Variants in NINJ1 observed in about 807,000 individuals in gnomAD.
The protein encoded by NINJ1 is ninjurin 1.
Under a neutral mutation model 12.7 loss-of-function variants are expected in NINJ1, and 6 were observed. The ratio of observed to expected loss-of-function variants is 0.47; its 90% CI spans 0.26 to 0.93. The LOEUF (loss-of-function observed/expected upper bound fraction) is 0.93. NINJ1 is among the 40% of genes least tolerant of loss of function. The pLI is 0.15. For missense variants in NINJ1, 170 were observed against 213.0 expected (o/e 0.80, Z 1.26); for synonymous variants, 100 against 96.0 (o/e 1.04, Z -0.25).
At chr9:93,128,102 C>T (rs1313848589) in intron 1 of NINJ1, among the ~76,000 whole-genome samples, 1 of 152,228 alleles carries the variant, frequency 6.6e-6, no homozygotes, top group African/African-American at 2.4e-5. Flanking sequence ...CTGCCTTCAG[C>T]ATCAGCTGCT....
At chr9:93,128,857 A>G (rs1409275643) in intron 1 of NINJ1, among the ~76,000 whole-genome samples, 2 of 151,752 alleles carry the variant, frequency 1.3e-5, no homozygotes, top group Non-Finnish European at 2.9e-5. Context: ...TGAGACACAC[A>G]TGTGCACACA....
Position 93,124,961 on chromosome 9 carries a change from T to G in NINJ1, c.406A>C (p.Ile136Leu), listed in dbSNP as rs1564218519. The G allele has an allele frequency of 2.5e-6, 4 of 1,614,004 alleles. No individual in the cohort carries two copies. The highest frequency in any genetic ancestry group is 1.1e-5 in the South Asian group (1 of 91,078). ...GGCTTCTGGACCCCGAAGGCCGTGA[T>G]GAAGATGTTGACTACCACGATGATG... ...VFIIVVVNIF[I>L]TAFGVQKPLM... The change falls in exon 3 of 4, where the codon ATC becomes CTC. Residue 136 changes from isoleucine (I) to leucine (L), a missense_variant. Physicochemically the swap from Ile to Leu is conservative, Grantham distance 5 (BLOSUM62 2). Transcript: ENST00000375446.
intron 1 of NINJ1, among the ~76,000 whole-genome samples, chr9:93,132,666 CG>C (rs1372563143): frequency 6.6e-6 from 1 of 152,228 alleles, no homozygotes; most frequent in Non-Finnish European, 1.5e-5. Context: ...GCTCTCCAAC[CG>C]CGGCTTGGTG....
rs933007138 is a variant in NINJ1 at position 93,126,701 on chromosome 9, C to T, written c.76-63G>A. ...AGGGGGGCAAGGGCTGTGCCTGAGT[C>T]GGGCTCTGGGGGTCACCGGGCCCTG... On this transcript the variant is annotated intron_variant, in intron 1 of 3. Transcript: ENST00000375446. 7.0e-5 allele frequency: 97 copies of T among 1,386,606 alleles called. No homozygotes were observed. The East Asian group carries it at 1.1e-3, about 16-fold the overall frequency. The allele number at this position is 1,386,606 out of a possible 1,614,324, so 85.9% of individuals were successfully genotyped here.
rs1827789694 is a variant in NINJ1, at chr9:93,124,994, G to C, written c.373C>G (p.Leu125Val). The change falls in exon 3 of 4, where the codon CTG becomes GTG. Residue 125 changes from leucine (L) to valine (V), a missense_variant. Leu to Val is a conservative substitution (Grantham distance 32, BLOSUM62 1). Coordinates refer to ENST00000375446, the MANE Select transcript of NINJ1 (RefSeq NM_004148.4). ...TTGACTACCACGATGATGAACACCA[G>C]GCCCGTGGCCAGGTTGTTGAGGAAG... ...LDFLNNLATG[L>V]VFIIVVVNIF... The C allele has an allele frequency of 2.5e-6, 4 of 1,613,970 alleles. No homozygotes were observed. Among genetic ancestry groups the C allele is most frequent in the Non-Finnish European group, 3.4e-6 (4 of 1,179,966 alleles).
At chr9:93,126,213 C>A in intron 2 of NINJ1, 197 bp downstream of exon 2, 1 of 559,652 alleles carries the variant, frequency 1.8e-6, no homozygotes. Context: ...CAAAACAAAA[C>A]AAAACAAAAA....
At position 93,126,602 on chromosome 9, in the gene NINJ1, C is replaced by CGG; in HGVS notation, c.111_112insCC (p.Val38ProfsTer2). On this transcript the variant is annotated frameshift_variant, in exon 2 of 4. Coordinates refer to ENST00000375446, the MANE Select transcript of NINJ1 (RefSeq NM_004148.4). LOFTEE classifies it high-confidence loss of function. ...CTCTTCTTGCTGGCGTAATGGTTCA[C>CGG]GTTGATGGGCCCGTGCCTCCAGCCC... 6.2e-7 allele frequency: 1 copy of CGG among 1,610,914 alleles called. No individual in the cohort carries two copies. The highest frequency in any genetic ancestry group is 1.7e-5 in the Admixed American group (1 of 59,892).
intron 1 of NINJ1, among the ~76,000 whole-genome samples, chr9:93,127,733 C>T (rs1827833945): frequency 6.6e-6 from 1 of 152,254 alleles, no homozygotes; most frequent in Non-Finnish European, 1.5e-5. Context: ...ACCACAGCCT[C>T]CCAGGACTGG....
rs1202344228 is a variant in NINJ1 at position 93,126,277 on chromosome 9, G to C, written c.304+133C>G. On this transcript the variant is annotated intron_variant, in intron 2 of 3. Transcript: ENST00000375446. ...TGCCACTTCCTGGACTGCATGTCTG[G>C]GTGATGAGGGCCAGGAACTCGGCAG... 4.4e-6 allele frequency: 3 copies of C among 683,014 alleles called. No individual in the cohort carries two copies. In the East Asian group the frequency reaches 8.3e-5, roughly 19 times the overall value. 42.3% of individuals were successfully genotyped at this position (683,014 alleles called of 1,614,324 possible).
intron 1 of NINJ1, among the ~76,000 whole-genome samples, chr9:93,128,100 A>G (rs1395112816): frequency 6.6e-6 from 1 of 152,184 alleles, no homozygotes; most frequent in Non-Finnish European, 1.5e-5. Flanking sequence ...ACCTGCCTTC[A>G]GCATCAGCTG....
At chr9:93,131,534 C>T (rs966108545) in intron 1 of NINJ1, 1 of 152,324 alleles carries the variant, frequency 6.6e-6, no homozygotes, top group Non-Finnish European at 1.5e-5. Flanking sequence ...GAACCTTCAA[C>T]CTGCGGGCTG....
At chr9:93,128,105 C>T (rs1827839073) in intron 1 of NINJ1, among the ~76,000 whole-genome samples, 1 of 152,214 alleles carries the variant, frequency 6.6e-6, no homozygotes, top group African/African-American at 2.4e-5. Flanking sequence ...CCTTCAGCAT[C>T]AGCTGCTCTC....
chr9:93,130,741 C>T (rs1448056991), intron 1 of NINJ1, among the ~76,000 whole-genome samples: 1 of 152,210 alleles, frequency 6.6e-6, no homozygotes, highest in African/African-American at 2.4e-5. Context: ...TTTTGAAAGA[C>T]TCTGCCTCCC....
intron 1 of NINJ1, among the ~76,000 whole-genome samples, chr9:93,133,063 A>C (rs530999862): frequency 1.3e-5 from 2 of 152,194 alleles, no homozygotes; most frequent in East Asian, 3.9e-4. Context: ...TATTGCTCCA[A>C]AGTGCTCACA....
intron 1 of NINJ1, among the ~76,000 whole-genome samples, chr9:93,129,247 CAGA>C (rs1827856688): frequency 6.6e-6 from 1 of 152,236 alleles, no homozygotes; most frequent in Admixed American, 6.5e-5. Flanking sequence ...CCCCGGGGCT[CAGA>C]AGCTCTGGTA....
rs375579060 is a variant in NINJ1, at chr9:93,131,765, C to T, written c.75+2378G>A. Among the ~76,000 whole-genome samples, 49 of 152,266 alleles carry T rather than the reference C, an allele frequency of 3.2e-4. No homozygotes were observed. The South Asian group carries it at 8.9e-3, about 28-fold the overall frequency. ...AAGGGCCACAGGGGCGCAGGGCACA[C>T]GGGGTAGGGGAGACCTGAGAGCTTC... On this transcript the variant is annotated intron_variant, in intron 1 of 3. Coordinates refer to ENST00000375446, the MANE Select transcript of NINJ1 (RefSeq NM_004148.4).
intron 3 of NINJ1, among the ~76,000 whole-genome samples, chr9:93,124,377 C>T (rs1338605338): frequency 6.6e-6 from 1 of 152,088 alleles, no homozygotes; most frequent in African/African-American, 2.4e-5. Flanking sequence ...TGGGTTCAAG[C>T]GATTCTCCTG....
chr9:93,131,183 T>G (rs7850887), intron 1 of NINJ1, among the ~76,000 whole-genome samples: 1 of 152,100 alleles, frequency 6.6e-6, no homozygotes, highest in African/African-American at 2.4e-5. Context: ...AAGCAGGCCC[T>G]GAGAGGGTCT....
chr9:93,134,031 T>C (rs1343224860), intron 1 of NINJ1, 112 bp downstream of exon 1: 10 of 750,152 alleles, frequency 1.3e-5, no homozygotes, highest in African/African-American at 3.7e-5. Flanking sequence ...GAGCGGGACG[T>C]CCCCCAACAC....
Sources: gnomAD v4.1 joint callset for allele counts (sites outside exome capture counted in the v4.1 genomes callset) on GRCh38, gnomAD v4.1.1 for gene constraint, MANE v1.5 for transcripts, NCBI Gene and HGNC (gene_info 2026-07-23, HGNC 2026-07-21) for gene names.